UBTD1: variants seen among roughly 807,000 people sequenced by gnomAD.
UBTD1 encodes the protein ubiquitin domain-containing protein 1.
A neutral mutation model predicts 21.7 loss-of-function variants in UBTD1; 19 were observed. The observed-to-expected ratio is 0.87, with a 90% CI of 0.61 to 1.28. The LOEUF (loss-of-function observed/expected upper bound fraction) is 1.28, where lower values mean the gene tolerates loss of function less well. Among genes scored for constraint, UBTD1 ranks in the 50% most tolerant of loss-of-function variants. UBTD1 has a pLI of 0.00. For synonymous variants in UBTD1, 116 were observed against 135.1 expected (o/e 0.86, Z 0.98); for missense variants, 282 against 315.1 (o/e 0.89, Z 0.80).
intron 1 of UBTD1, among the ~76,000 whole-genome samples, chr10:97,507,598 C>G (rs903303398): frequency 1.3e-5 from 2 of 151,502 alleles, no homozygotes; most frequent in South Asian, 4.2e-4. Flanking sequence ...CATGGTGAAA[C>G]CCCGTCTCTA....
chr10:97,512,849 G>T (rs2040428217), intron 1 of UBTD1, among the ~76,000 whole-genome samples: 1 of 152,264 alleles, frequency 6.6e-6, no homozygotes, highest in Non-Finnish European at 1.5e-5. Flanking sequence ...GAGCAAGTGT[G>T]CAAGGAGAGA....
At chr10:97,532,621 C>T (rs1404231204) in intron 1 of UBTD1, among the ~76,000 whole-genome samples, 3 of 152,168 alleles carry the variant, frequency 2.0e-5, no homozygotes, top group Non-Finnish European at 4.4e-5. Flanking sequence ...GAAACCCCGT[C>T]TCTATTAAAA....
At chr10:97,542,166 G>A (rs537653614) in intron 1 of UBTD1, among the ~76,000 whole-genome samples, 2 of 152,204 alleles carry the variant, frequency 1.3e-5, no homozygotes, top group African/African-American at 4.8e-5. Flanking sequence ...CAGGCTGAGA[G>A]TGGTGCCCCA....
chr10:97,527,331 A>G (rs911659417), intron 1 of UBTD1, among the ~76,000 whole-genome samples: 5 of 151,816 alleles, frequency 3.3e-5, no homozygotes, highest in African/African-American at 4.8e-5. Context: ...TTCAAAAAGA[A>G]AAAGAGTGCC....
chr10:97,516,040 G>A (rs2040442804), intron 1 of UBTD1, among the ~76,000 whole-genome samples: 1 of 152,226 alleles, frequency 6.6e-6, no homozygotes, highest in African/African-American at 2.4e-5. Flanking sequence ...TGAAAGAAGT[G>A]ACCCTCGGCA....
chr10:97,522,897 A>T (rs148345768), intron 1 of UBTD1, among the ~76,000 whole-genome samples: 232 of 152,004 alleles, frequency 1.5e-3, no homozygotes, highest in African/African-American at 5.1e-3. Flanking sequence ...CACCCTGGCC[A>T]CTCCTGCCTG....
intron 1 of UBTD1, among the ~76,000 whole-genome samples, chr10:97,556,932 A>G (rs1446784068): frequency 3.3e-5 from 5 of 152,362 alleles, no homozygotes; most frequent in East Asian, 1.9e-4. Flanking sequence ...GCTTTTGCCC[A>G]AGACAACTAA....
At chr10:97,543,189 G>A (rs952672918) in intron 1 of UBTD1, among the ~76,000 whole-genome samples, 4 of 152,254 alleles carry the variant, frequency 2.6e-5, no homozygotes, top group Non-Finnish European at 5.9e-5. Context: ...GACACTTGGG[G>A]AGAGCGGGGA....
At position 97,512,356 on chromosome 10, in the gene UBTD1, C is replaced by T. The variant is rs979531718; in HGVS notation, c.70+13083C>T. Among the ~76,000 whole-genome samples the T allele has an allele frequency of 7.9e-5, 12 of 152,292 alleles. No individual in the cohort carries two copies. The Middle Eastern group carries it at 0.01, about 130-fold the overall frequency. On this transcript the variant is annotated intron_variant, in intron 1 of 2. Transcript: ENST00000370664. ...TCCTCCATTTCCTCTTTGCCCTTCT[C>T]CCCTATACTCTCATATCAGATCCAC...
chr10:97,509,760 C>G (rs2040414859), intron 1 of UBTD1, among the ~76,000 whole-genome samples: 1 of 151,700 alleles, frequency 6.6e-6, no homozygotes, highest in Non-Finnish European at 1.5e-5. Flanking sequence ...AAGCGATTCT[C>G]CTACCTCAGC....
Position 97,542,858 on chromosome 10 carries a change from G to T in UBTD1, c.71-25056G>T, listed in dbSNP as rs531125250. 1.5e-4 allele frequency among the ~76,000 whole-genome samples: 23 copies of T among 152,362 alleles called. 1 individual carries two copies. The South Asian group carries it at 4.8e-3, about 32-fold the overall frequency. The stretch of plus-strand genomic sequence containing the variant: ...CTCATGCAGGCATAGCACAGGCATA[G>T]AACCCTCGCAGAGGCCTCATTAAAC... On this transcript the variant is annotated intron_variant, in intron 1 of 2. Transcript: ENST00000370664.
chr10:97,544,009 C>T (rs2135676442), intron 1 of UBTD1, among the ~76,000 whole-genome samples: 1 of 152,190 alleles, frequency 6.6e-6, no homozygotes, highest in African/African-American at 2.4e-5. Flanking sequence ...AGGCCAGGCA[C>T]AATGGCTCAT....
At chr10:97,509,037 C>A (rs1390119693) in intron 1 of UBTD1, among the ~76,000 whole-genome samples, 4 of 152,222 alleles carry the variant, frequency 2.6e-5, no homozygotes, top group Non-Finnish European at 4.4e-5. Context: ...GTCATGTTAG[C>A]AAAGTGCTTG....
chr10:97,500,930 C>G (rs999035741), intron 1 of UBTD1, among the ~76,000 whole-genome samples: 1 of 152,206 alleles, frequency 6.6e-6, no homozygotes, highest in African/African-American at 2.4e-5. Context: ...CCTCCAAAAC[C>G]AGGCTCTGCA....
chr10:97,536,693 C>A (rs1018021047), intron 1 of UBTD1, among the ~76,000 whole-genome samples: 3 of 152,156 alleles, frequency 2.0e-5, no homozygotes, highest in African/African-American at 7.2e-5. Context: ...TGACTCCAGG[C>A]CGTAGATGCT....
intron 1 of UBTD1, among the ~76,000 whole-genome samples, chr10:97,528,430 G>A (rs1382954190): frequency 2.6e-4 from 22 of 84,684 alleles, no homozygotes; most frequent in African/African-American, 8.4e-4. Flanking sequence ...CGGACGGGGC[G>A]GCTGGCCGGG....
At chr10:97,525,599 C>T (rs1219916832) in intron 1 of UBTD1, among the ~76,000 whole-genome samples, 2 of 152,168 alleles carry the variant, frequency 1.3e-5, no homozygotes, top group East Asian at 1.9e-4. Context: ...GCTGTCTATG[C>T]GGCTCACTTC....
intron 1 of UBTD1, among the ~76,000 whole-genome samples, chr10:97,534,193 C>T (rs2040547817): frequency 6.6e-6 from 1 of 152,228 alleles, no homozygotes; most frequent in African/African-American, 2.4e-5. Flanking sequence ...ACTTCACCCC[C>T]TTCCCAGGAA....
intron 1 of UBTD1, among the ~76,000 whole-genome samples, chr10:97,524,802 T>C (rs1420660443): frequency 6.6e-6 from 1 of 152,098 alleles, no homozygotes; most frequent in African/African-American, 2.4e-5. Flanking sequence ...GTTTGCATGG[T>C]TGAAGTTGGG....
Sources: allele counts gnomAD v4.1 joint callset (sites outside exome capture counted in the v4.1 genomes callset), GRCh38; gene constraint gnomAD v4.1.1; transcripts MANE v1.5; gene names NCBI Gene and HGNC (gene_info 2026-07-23, HGNC 2026-07-21).